The following CFAP20DC variants were observed in gnomAD, a reference collection of about 807,000 sequenced individuals.
CFAP20DC encodes the protein CFAP20 domain containing.
A neutral mutation model predicts 101.7 loss-of-function variants in CFAP20DC; 84 were observed. That is an observed-to-expected ratio of 0.83 (90% CI 0.69 to 0.99). The LOEUF (loss-of-function observed/expected upper bound fraction) is 0.99, where lower values mean the gene tolerates loss of function less well. Ranked by LOEUF, CFAP20DC falls within the 50% of genes least tolerant of loss-of-function variation. CFAP20DC has a pLI of 0.00. For synonymous variants in CFAP20DC, 359 were observed against 351.2 expected (o/e 1.02, Z -0.25); for missense variants, 1,007 against 970.3 (o/e 1.04, Z -0.50).
chr3:58,719,156 T>C lies in CFAP20DC; in HGVS notation c.198-1528A>G, dbSNP rs528953307. On this transcript the variant is annotated intron_variant, in intron 3 of 3. Coordinates refer to the CFAP20DC transcript ENST00000486145. The stretch of plus-strand genomic sequence containing the variant: ...CTACTTGGGAGGCTGAGTAGGAGGA[T>C]TGCTTAAGCTGGGGAGGTAGAGACT... Among the ~76,000 whole-genome samples, 11 of 152,164 alleles carry C rather than the reference T, an allele frequency of 7.2e-5. 1 individual carries two copies. In the South Asian group the frequency reaches 1.7e-3, roughly 23 times the overall value.
chr3:58,970,541 G>A (rs2091891186), intron 4 of CFAP20DC: 1 of 152,154 alleles, frequency 6.6e-6, no homozygotes, highest in Admixed American at 6.6e-5. Context: ...CCGAAACCTT[G>A]ATTTTGGACT....
At chr3:58,810,242 C>T (rs180761012) in intron 14 of CFAP20DC, among the ~76,000 whole-genome samples, 1,703 of 152,064 alleles carry the variant, frequency 0.011, 126 homozygotes, top group Admixed American at 0.1. Flanking sequence ...TGGGCAGAGA[C>T]ACAACCAAAA....
chr3:58,935,567 A>C (rs1178469580), intron 5 of CFAP20DC, among the ~76,000 whole-genome samples: 1 of 152,142 alleles, frequency 6.6e-6, no homozygotes, highest in Admixed American at 6.5e-5. Context: ...TACTGGTACC[A>C]AAACAGAGAT....
At chr3:58,949,157 G>A (rs182431829) in intron 4 of CFAP20DC, among the ~76,000 whole-genome samples, 129 of 152,158 alleles carry the variant, frequency 8.5e-4, no homozygotes, top group Middle Eastern at 3.4e-3. Flanking sequence ...ATTTTTTATT[G>A]TGTCTATTTG....
intron 5 of CFAP20DC, among the ~76,000 whole-genome samples, chr3:58,915,249 G>T (rs185764278): frequency 2.4e-4 from 36 of 152,204 alleles, no homozygotes; most frequent in Non-Finnish European, 4.6e-4. Flanking sequence ...AGGAGGGCTG[G>T]CTAGGAAGCT....
chr3:58,972,201 C>A lies in CFAP20DC; in HGVS notation c.279-34439G>T, dbSNP rs540420967. Among the ~76,000 whole-genome samples the A allele has an allele frequency of 2.1e-4, 32 of 152,208 alleles. No individual in the cohort carries two copies. In the South Asian group the frequency reaches 6.6e-3, roughly 32 times the overall value. ...AGCACAAAGGAACTGCAGATAGGGG[C>A]GTTCTGCTAGGCTCATACCCATGAG... On this transcript the variant is annotated intron_variant, in intron 4 of 16. Transcript: ENST00000482387.
At position 58,758,860 on chromosome 3, in the gene CFAP20DC, C is replaced by A. The variant is rs202172202; in HGVS notation, c.2238-4997G>T. Among the ~76,000 whole-genome samples, 4 of 151,926 alleles carry A rather than the reference C, an allele frequency of 2.6e-5. No homozygotes were observed. In the South Asian group the frequency reaches 8.3e-4, roughly 32 times the overall value. ...GCTTCATCCATGTCCCTACAAAGGA[C>A]AAGAACTCATCCTTTTTTATGGCTG... On this transcript the variant is annotated intron_variant, in intron 15 of 16. Coordinates refer to ENST00000482387, the MANE Select transcript of CFAP20DC (RefSeq NM_001394063.1).
chr3:58,829,462 G>T (rs1437054473), intron 14 of CFAP20DC, among the ~76,000 whole-genome samples: 1 of 151,948 alleles, frequency 6.6e-6, no homozygotes, highest in Non-Finnish European at 1.5e-5. Context: ...TTGCAAAATT[G>T]CTCTATCTAA....
chr3:58,720,105 C>T (rs142125393), intron 3 of CFAP20DC, among the ~76,000 whole-genome samples: 1 of 152,368 alleles, frequency 6.6e-6, no homozygotes, highest in Non-Finnish European at 1.5e-5. Context: ...CTCTAAACTG[C>T]TCCCTGCTTC....
chr3:58,816,771 A>C (rs2075200537), intron 14 of CFAP20DC, among the ~76,000 whole-genome samples: 1 of 152,150 alleles, frequency 6.6e-6, no homozygotes, highest in Non-Finnish European at 1.5e-5. Context: ...GGAAGCTCGA[A>C]CTGGGTGGAG....
chr3:58,840,227 A>G (rs542485133), intron 13 of CFAP20DC, among the ~76,000 whole-genome samples: 6 of 152,366 alleles, frequency 3.9e-5, no homozygotes, highest in African/African-American at 1.4e-4. Context: ...AGACAAGGAA[A>G]GAGTGCAGTT....
intron 7 of CFAP20DC, among the ~76,000 whole-genome samples, chr3:58,884,324 C>G (rs1452434850): frequency 6.6e-6 from 1 of 152,186 alleles, no homozygotes; most frequent in Admixed American, 6.5e-5. Context: ...TTCTATGTGT[C>G]AAATACTCAG....
At chr3:58,958,377 T>C (rs1385898090) in intron 4 of CFAP20DC, among the ~76,000 whole-genome samples, 4 of 152,250 alleles carry the variant, frequency 2.6e-5, no homozygotes, top group Non-Finnish European at 5.9e-5. Context: ...TATTACAGAA[T>C]AGTATTCTAC....
In CFAP20DC at chr3:58,728,446, G is replaced by A. The variant is rs1012697727; in HGVS notation, c.198-10818C>T. Among the ~76,000 whole-genome samples the A allele has an allele frequency of 7.2e-5, 11 of 152,112 alleles. No individual in the cohort carries two copies. The highest frequency in any genetic ancestry group is 2.4e-4 in the African/African-American group (10 of 41,426). ...ATGTTTGTGTTATTCAGACCTTTAC[G>A]TGATTTGTAAAAACTTCACATGGCT... On this transcript the variant is annotated intron_variant, in intron 3 of 3. Transcript: ENST00000486145. The surrounding 1 kb of genome is among the most constrained non-coding windows in gnomAD (Gnocchi z 4.7).
In CFAP20DC at chr3:58,894,721, T is replaced by G. The variant is rs1384774142; in HGVS notation, c.551-10012A>C. Among the ~76,000 whole-genome samples, 2 of 151,838 alleles carry G rather than the reference T, an allele frequency of 1.3e-5. No individual in the cohort carries two copies. The highest frequency in any genetic ancestry group is 4.8e-5 in the African/African-American group (2 of 41,330). On this transcript the variant is annotated intron_variant, in intron 6 of 16. Transcript: ENST00000482387. This position sits in a 1 kb window ranked among gnomAD's most constrained non-coding sequence, Gnocchi z 4.1. ...CACTAGATGGTGCCCCAGTAGGGAGTCTGTGTGGTGGCTCCAATCCCACAT... is the reference window on the plus strand; with the variant it reads ...CACTAGATGGTGCCCCAGTAGGGAGGCTGTGTGGTGGCTCCAATCCCACAT...
At chr3:58,742,606 G>A (rs369752511) in intron 16 of CFAP20DC, 34 bp from the exon 17 acceptor site, 102 of 1,534,058 alleles carry the variant, frequency 6.6e-5, no homozygotes, top group Non-Finnish European at 8.8e-5. Context: ...CACATTAGCT[G>A]TTGGCTTGGC....
intron 15 of CFAP20DC, among the ~76,000 whole-genome samples, chr3:58,762,784 C>T (rs1398474248): frequency 6.6e-6 from 1 of 152,166 alleles, no homozygotes; most frequent in Non-Finnish European, 1.5e-5. Context: ...TTTTATTTCT[C>T]CTTCACTTAT....
At position 58,960,071 on chromosome 3, in the gene CFAP20DC, A is replaced by G. The variant is rs562208202; in HGVS notation, c.279-22309T>C. Among the ~76,000 whole-genome samples, 16 of 152,280 alleles carry G rather than the reference A, an allele frequency of 1.1e-4. No homozygotes were observed. In the East Asian group the frequency reaches 3.1e-3, roughly 29 times the overall value. On this transcript the variant is annotated intron_variant, in intron 4 of 16. Transcript: ENST00000482387. ...ATGGAGTTGGCATAAAGTTGTTCAC[A>G]GTATTCTCTTATCGTTTTAATTTCT...
At chr3:58,985,548 T>C (rs1436226090) in intron 4 of CFAP20DC, among the ~76,000 whole-genome samples, 6 of 152,200 alleles carry the variant, frequency 3.9e-5, no homozygotes, top group Admixed American at 3.3e-4. Context: ...GATCCATCTA[T>C]CATCACTTCT....
Sources: allele counts gnomAD v4.1 joint callset (sites outside exome capture counted in the v4.1 genomes callset), GRCh38; gene constraint gnomAD v4.1.1; non-coding constraint Gnocchi (gnomAD v3.1); transcripts MANE v1.5; gene names NCBI Gene and HGNC (gene_info 2026-07-23, HGNC 2026-07-21).